IL23R: variants seen among roughly 807,000 people sequenced by gnomAD.
IL23R encodes the protein interleukin-23 receptor.
Under a neutral mutation model 56.9 loss-of-function variants are expected in IL23R, and 34 were observed. That is an observed-to-expected ratio of 0.60 (90% confidence interval 0.45 to 0.80). The LOEUF (loss-of-function observed/expected upper bound fraction) is 0.80. Ranked by LOEUF, IL23R falls within the 30% of genes least tolerant of loss-of-function variation. IL23R has a pLI of 0.00. For synonymous variants in IL23R, 230 were observed against 249.2 expected, an observed-to-expected ratio of 0.92 and a Z score of 0.73; for missense variants, 635 against 730.0, an observed-to-expected ratio of 0.87 and a Z score of 1.50.
intron 7 of IL23R, among the ~76,000 whole-genome samples, chr1:67,221,382 G>A (rs1384853286): frequency 6.6e-6 from 1 of 152,092 alleles, no homozygotes; most frequent in Non-Finnish European, 1.5e-5. Context: ...ATCAATAAAC[G>A]TTATCTACTA....
chr1:67,230,786 G>T (rs1435053147), intron 7 of IL23R, among the ~76,000 whole-genome samples: 1 of 152,054 alleles, frequency 6.6e-6, no homozygotes, highest in Non-Finnish European at 1.5e-5. Flanking sequence ...CCCTGCCCTG[G>T]GCTTCTGGTG....
chr1:67,223,690 T>C (rs1191262006), intron 7 of IL23R, among the ~76,000 whole-genome samples: 1 of 152,200 alleles, frequency 6.6e-6, no homozygotes, highest in Non-Finnish European at 1.5e-5. Context: ...ATGATGTATA[T>C]ACTATTTTAT....
At chr1:67,214,256 C>CT (rs11410147) in intron 6 of IL23R, among the ~76,000 whole-genome samples, 46,299 of 151,958 alleles carry the variant, frequency 0.3, 7,500 homozygotes, top group South Asian at 0.56. Context: ...ATATAACTAG[C>CT]TTTTCAAAGT....
chr1:67,225,649 A>G (rs1650566889), intron 7 of IL23R, among the ~76,000 whole-genome samples: 1 of 152,064 alleles, frequency 6.6e-6, no homozygotes, highest in Admixed American at 6.5e-5. Flanking sequence ...AGCTGGGACT[A>G]CAGACATCCA....
intron 6 of IL23R, among the ~76,000 whole-genome samples, chr1:67,207,383 C>A (rs1006189160): frequency 6.6e-6 from 1 of 152,092 alleles, no homozygotes; most frequent in African/African-American, 2.4e-5. Context: ...AGTGTGGTCC[C>A]CAGTGTCTAT....
chr1:67,200,794 T>G lies in IL23R; in HGVS notation c.549T>G (p.Thr183=). ...CCTCAAGCTATATTAACATCTCCAC[T>G]GATTCATTACAAGGTGGCAAGAAGT... ...YLTSSYINIS[T]DSLQGGKKYL... is the part of the protein sequence containing the mutation. Residue 183 remains threonine (T), a synonymous_variant, in exon 5 of 11, where the codon ACT becomes ACG. Coordinates refer to ENST00000347310, the MANE Select transcript of IL23R (RefSeq NM_144701.3). The G allele has an allele frequency of 6.2e-7, 1 of 1,614,042 alleles. No homozygotes were observed. The highest frequency in any genetic ancestry group is 8.5e-7 in the Non-Finnish European group (1 of 1,179,952).
At chr1:67,140,405 C>T (rs1319526926) in intron 1 of IL23R, among the ~76,000 whole-genome samples, 1 of 152,026 alleles carries the variant, frequency 6.6e-6, no homozygotes, top group Non-Finnish European at 1.5e-5. Flanking sequence ...AGAATGTATG[C>T]TGAATATAGT....
rs552507254 is a variant in IL23R, at chr1:67,259,396, G to A, written c.*268G>A. The A allele has an allele frequency of 7.8e-5, 35 of 449,244 alleles. 1 individual carries two copies. The highest frequency in any genetic ancestry group is 5.7e-4 in the East Asian group (13 of 22,704). The allele number at this position is 449,244 out of a possible 1,614,324, so 27.8% of individuals were successfully genotyped here. A position where few individuals can be genotyped will look rare whatever the true frequency, so the allele number is the denominator to read the frequency against. On this transcript the variant is annotated 3_prime_UTR_variant, in exon 11 of 11. Coordinates refer to ENST00000347310, the MANE Select transcript of IL23R (RefSeq NM_144701.3). Reference sequence around the variant, plus strand: ...CTACCATCACCATGTAAGAATTCCCGGGAGCTCCATGCCTTTTTAATTTTA... The same window carrying A: ...CTACCATCACCATGTAAGAATTCCCAGGAGCTCCATGCCTTTTTAATTTTA...
At position 67,255,961 on chromosome 1, in the gene IL23R, C is replaced by T. The variant is rs532509002; in HGVS notation, c.1239+34C>T. On this transcript the variant is annotated intron_variant, in intron 10 of 10. Coordinates refer to ENST00000347310, the MANE Select transcript of IL23R (RefSeq NM_144701.3). ...ACATCATCCAACAAAAACTGAGTGG[C>T]AATTGAGACCAAGAGTGCAGTCTAA... 9 of 1,164,772 alleles carry T rather than the reference C, an allele frequency of 7.7e-6. No individual in the cohort carries two copies. The Middle Eastern group carries it at 5.8e-4, about 75-fold the overall frequency. 72.2% of individuals were successfully genotyped at this position (1,164,772 alleles called of 1,614,324 possible).
At chr1:67,230,404 C>A (rs1651020741) in intron 7 of IL23R, among the ~76,000 whole-genome samples, 1 of 152,198 alleles carries the variant, frequency 6.6e-6, no homozygotes. Context: ...TCTGAGGAAT[C>A]TGTTGGCCAC....
chr1:67,178,865 T>C (rs554086471), intron 3 of IL23R, among the ~76,000 whole-genome samples: 7 of 152,354 alleles, frequency 4.6e-5, no homozygotes, highest in Admixed American at 2.6e-4. Context: ...TCTGCAGCTA[T>C]TGAGACAATC....
At chr1:67,205,797 A>G (rs983144425) in intron 5 of IL23R, among the ~76,000 whole-genome samples, 3 of 152,346 alleles carry the variant, frequency 2.0e-5, no homozygotes, top group African/African-American at 7.2e-5. Context: ...AGCAATAGAT[A>G]TAAATATTCA....
Position 67,258,701 on chromosome 1 carries a change from T to C in IL23R, c.1463T>C (p.Ile488Thr). ...PDLNTGYKPQ[I>T]SNFLPEGSHL... Reference sequence around the variant, plus strand: ...CTCAACACTGGATATAAACCCCAAATTTCAAATTTTCTGCCTGAGGGAAGC... The same window carrying C: ...CTCAACACTGGATATAAACCCCAAACTTCAAATTTTCTGCCTGAGGGAAGC... The change falls in exon 11 of 11, where the codon ATT becomes ACT. Residue 488 changes from isoleucine to threonine, a missense_variant. Ile to Thr is a moderately conservative substitution (Grantham distance 89). Transcript: ENST00000347310. The C allele has an allele frequency of 6.2e-7, 1 of 1,613,762 alleles. No individual in the cohort carries two copies. The highest frequency in any genetic ancestry group is 1.3e-5 in the African/African-American group (1 of 75,022).
chr1:67,155,916 A>C (rs1217006014), intron 1 of IL23R, among the ~76,000 whole-genome samples: 2 of 152,196 alleles, frequency 1.3e-5, no homozygotes, highest in Non-Finnish European at 2.9e-5. Context: ...GTTTTTCCTC[A>C]TCTTCATGGA....
intron 7 of IL23R, among the ~76,000 whole-genome samples, chr1:67,233,854 T>G (rs886295499): frequency 3.0e-5 from 4 of 132,866 alleles, no homozygotes; most frequent in African/African-American, 1.1e-4. Context: ...ATCATGAGGT[T>G]TTTTTTTTTT....
intron 6 of IL23R, among the ~76,000 whole-genome samples, chr1:67,219,280 A>G (rs1304037951): frequency 6.6e-6 from 1 of 152,114 alleles, no homozygotes; most frequent in Non-Finnish European, 1.5e-5. Flanking sequence ...AGGCAGAAGA[A>G]TCGCTTGAAC....
downstream of IL23R, among the ~76,000 whole-genome samples, chr1:67,260,407 G>T (rs114651489): frequency 6.6e-6 from 1 of 152,114 alleles, no homozygotes; most frequent in East Asian, 1.9e-4. Context: ...ACAGGTATCT[G>T]TTCAGTACCT....
Position 67,219,675 on chromosome 1 carries a change from C to G in IL23R, c.900C>G (p.Gly300=), listed in dbSNP as rs918281655. 1 of 1,613,816 alleles carries G rather than the reference C, an allele frequency of 6.2e-7. No homozygotes were observed. The highest frequency in any genetic ancestry group is 8.5e-7 in the Non-Finnish European group (1 of 1,179,834). The stretch of plus-strand genomic sequence containing the variant: ...TTCAAGTGAGATGTCAAGAAACAGG[C>G]AAAAGGTACTGGCAGCCTTGGAGTT... The part of the protein sequence containing the change: ...YVFQVRCQET[G]KRYWQPWSSL... Residue 300 remains glycine, a synonymous_variant, in exon 7 of 11, where the codon GGC becomes GGG. Transcript: ENST00000347310.
At chr1:67,178,299 A>G (rs1283587033) in intron 3 of IL23R, among the ~76,000 whole-genome samples, 1 of 152,134 alleles carries the variant, frequency 6.6e-6, no homozygotes, top group African/African-American at 2.4e-5. Context: ...TTCATTGTAC[A>G]GTGGTTTGTA....
Sources: gnomAD v4.1 joint callset for allele counts (sites outside exome capture counted in the v4.1 genomes callset) on GRCh38, gnomAD v4.1.1 for gene constraint, MANE v1.5 for transcripts, NCBI Gene and HGNC (gene_info 2026-07-23, HGNC 2026-07-21) for gene names.